Variants in FNDC3B observed in about 807,000 individuals in gnomAD.
The protein encoded by FNDC3B is fibronectin type III domain-containing protein 3B.
A neutral mutation model predicts 151.5 loss-of-function variants in FNDC3B; 12 were observed. The observed-to-expected ratio is 0.08, with a 90% confidence interval of 0.05 to 0.13. FNDC3B has a LOEUF of 0.13. FNDC3B is among the 10% of genes least tolerant of loss of function. The pLI is 1.00. For missense variants in FNDC3B, 1,214 were observed against 1,505.3 expected (o/e 0.81, Z 3.20); for synonymous variants, 528 against 549.0 (o/e 0.96, Z 0.54).
chr3:172,101,214 A>T (rs1377482365), intron 1 of FNDC3B, among the ~76,000 whole-genome samples: 1 of 152,206 alleles, frequency 6.6e-6, no homozygotes, highest in Non-Finnish European at 1.5e-5. Flanking sequence ...CACCTGTCAG[A>T]TTTCAAAGTC....
chr3:172,087,409 A>C (rs1718599480), intron 1 of FNDC3B, among the ~76,000 whole-genome samples: 1 of 152,118 alleles, frequency 6.6e-6, no homozygotes, highest in African/African-American at 2.4e-5. Flanking sequence ...GGGATAATTA[A>C]CATTTTGGAA....
intron 6 of FNDC3B, among the ~76,000 whole-genome samples, chr3:172,271,482 AT>A (rs758446730): frequency 6.6e-6 from 1 of 151,234 alleles, no homozygotes; most frequent in Non-Finnish European, 1.5e-5. Flanking sequence ...TACTCAGCAC[AT>A]TTTTTGTTGT....
chr3:172,186,121 T>C (rs1192366399), intron 3 of FNDC3B, among the ~76,000 whole-genome samples: 1 of 152,262 alleles, frequency 6.6e-6, no homozygotes, highest in Non-Finnish European at 1.5e-5. Flanking sequence ...CGAATTTTTA[T>C]GAATTAAGCA....
chr3:172,144,379 A>G (rs1359096466), intron 3 of FNDC3B, among the ~76,000 whole-genome samples: 1 of 152,234 alleles, frequency 6.6e-6, no homozygotes, highest in Non-Finnish European at 1.5e-5. Context: ...GATCCAAATC[A>G]TATCATTTAC....
chr3:172,186,335 A>G (rs7620293), intron 3 of FNDC3B, among the ~76,000 whole-genome samples: 87,309 of 151,990 alleles, frequency 0.57, 25,540 homozygotes, highest in African/African-American at 0.67. Context: ...TAAGAAAAGA[A>G]CTCCCAATTT....
intron 6 of FNDC3B, among the ~76,000 whole-genome samples, chr3:172,272,863 A>C (rs1729266146): frequency 1.3e-5 from 2 of 152,168 alleles, no homozygotes; most frequent in Admixed American, 1.3e-4. Context: ...ATTCTCATGG[A>C]CTTGTGCAAG....
chr3:172,104,096 C>T (rs774909612), intron 1 of FNDC3B, among the ~76,000 whole-genome samples: 29 of 152,138 alleles, frequency 1.9e-4, no homozygotes, highest in South Asian at 6.2e-4. Flanking sequence ...TACTTAGATT[C>T]TTCCTTTTAT....
intron 4 of FNDC3B, among the ~76,000 whole-genome samples, chr3:172,228,046 CT>C (rs538680257): frequency 2.0e-5 from 3 of 151,840 alleles, no homozygotes; most frequent in African/African-American, 7.3e-5. Flanking sequence ...TTTTTCCATC[CT>C]TTTTTTTATG....
intron 1 of FNDC3B, among the ~76,000 whole-genome samples, chr3:172,048,277 G>A (rs1043708117): frequency 6.6e-6 from 1 of 151,980 alleles, no homozygotes; most frequent in South Asian, 2.1e-4. Flanking sequence ...TATTTTAAAG[G>A]TTTTAAAAAA....
intron 1 of FNDC3B, among the ~76,000 whole-genome samples, chr3:172,111,475 T>C (rs1162365871): frequency 1.3e-5 from 2 of 152,220 alleles, no homozygotes; most frequent in Admixed American, 1.3e-4. Flanking sequence ...GGATAAGACT[T>C]CATTTTTTGG....
intron 1 of FNDC3B, among the ~76,000 whole-genome samples, chr3:172,067,366 G>A (rs1347925305): frequency 6.6e-6 from 1 of 152,162 alleles, no homozygotes; most frequent in African/African-American, 2.4e-5. Flanking sequence ...AAAGTGGTGT[G>A]GAGATGAGTT....
At chr3:172,251,711 A>G (rs904553838) in intron 6 of FNDC3B, among the ~76,000 whole-genome samples, 170 bp downstream of exon 6, 3 of 152,172 alleles carry the variant, frequency 2.0e-5, no homozygotes, top group African/African-American at 7.2e-5. Context: ...ATAATATTGC[A>G]TTGTTTATTT....
intron 3 of FNDC3B, among the ~76,000 whole-genome samples, chr3:172,202,652 A>C (rs1725216225): frequency 6.6e-6 from 1 of 152,172 alleles, no homozygotes; most frequent in Non-Finnish European, 1.5e-5. Context: ...CTTCTTATAA[A>C]GTCTTAAGAA....
At chr3:172,257,262 G>A (rs1336409263) in intron 6 of FNDC3B, among the ~76,000 whole-genome samples, 1 of 152,130 alleles carries the variant, frequency 6.6e-6, no homozygotes, top group African/African-American at 2.4e-5. Context: ...TGACATTGTT[G>A]ACTTTCACTT....
At chr3:172,127,645 C>CTTTG (rs2108564481) in intron 2 of FNDC3B, among the ~76,000 whole-genome samples, 1 of 151,930 alleles carries the variant, frequency 6.6e-6, no homozygotes, top group East Asian at 1.9e-4. Context: ...GAGGATACAG[C>CTTTG]TTTTTTTTAA....
At chr3:172,343,366 G>A (rs111245865) in intron 18 of FNDC3B, among the ~76,000 whole-genome samples, 60 of 152,090 alleles carry the variant, frequency 3.9e-4, no homozygotes, top group Non-Finnish European at 6.5e-4. Flanking sequence ...TTTATCCCCC[G>A]CACTTCAGGG....
chr3:172,203,989 A>G (rs1725300173), intron 3 of FNDC3B, among the ~76,000 whole-genome samples: 1 of 152,208 alleles, frequency 6.6e-6, no homozygotes, highest in African/African-American at 2.4e-5. Flanking sequence ...AGTCTGAAAG[A>G]AGGGCCGCCA....
At chr3:172,318,852 T>C (rs1461807578) in intron 11 of FNDC3B, among the ~76,000 whole-genome samples, 1 of 152,228 alleles carries the variant, frequency 6.6e-6, no homozygotes, top group Non-Finnish European at 1.5e-5. Flanking sequence ...CACTGCCATG[T>C]CTTACGGTTG....
intron 1 of FNDC3B, among the ~76,000 whole-genome samples, chr3:172,088,214 T>C (rs187922150): frequency 5.3e-5 from 8 of 152,282 alleles, no homozygotes; most frequent in South Asian, 2.1e-4. Flanking sequence ...AAGTAGGCCT[T>C]TATTTACAAC....
Sources: gnomAD v4.1 joint callset for allele counts (sites outside exome capture counted in the v4.1 genomes callset) on GRCh38, gnomAD v4.1.1 for gene constraint, MANE v1.5 for transcripts, NCBI Gene and HGNC (gene_info 2026-07-23, HGNC 2026-07-21) for gene names.